Variants in RELCH observed in about 807,000 individuals in gnomAD.
The protein encoded by RELCH is RAB11-binding protein RELCH.
A neutral mutation model predicts 150.3 loss-of-function variants in RELCH; 41 were observed. That is an observed-to-expected ratio of 0.27 (90% CI 0.21 to 0.35). The LOEUF (loss-of-function observed/expected upper bound fraction) is 0.35. Among genes scored for constraint, RELCH ranks in the 10% least tolerant of loss-of-function variants. The pLI, the probability that RELCH is intolerant of heterozygous loss-of-function variation, is 1.00. For synonymous variants in RELCH, 478 were observed against 531.8 expected, an observed-to-expected ratio of 0.90 and a Z score of 1.39; for missense variants, 1,092 against 1,467.8, an observed-to-expected ratio of 0.74 and a Z score of 4.18.
At chr18:62,189,546 G>A (rs1427958688) in intron 1 of RELCH, among the ~76,000 whole-genome samples, 1 of 152,054 alleles carries the variant, frequency 6.6e-6, no homozygotes, top group East Asian at 1.9e-4. Context: ...TCAGTCCCTG[G>A]CTGTTGATGA....
At chr18:62,288,683 G>A (rs192555914) in intron 26 of RELCH, among the ~76,000 whole-genome samples, 31 of 152,136 alleles carry the variant, frequency 2.0e-4, no homozygotes, top group Non-Finnish European at 3.4e-4. Flanking sequence ...TAATAATTTT[G>A]TAACCTCAAC....
At chr18:62,287,554 T>A in intron 26 of RELCH, 87 bp downstream of exon 26, 1 of 755,544 alleles carries the variant, frequency 1.3e-6, no homozygotes, top group South Asian at 1.6e-5. Flanking sequence ...AAGTAGAACT[T>A]CTTTTCTTCA....
At chr18:62,271,032 A>G (rs1400800191) in intron 20 of RELCH, among the ~76,000 whole-genome samples, 1 of 152,150 alleles carries the variant, frequency 6.6e-6, no homozygotes, top group Non-Finnish European at 1.5e-5. Context: ...TGCTATTGTG[A>G]ATAGTGCCGC....
rs1195278243 is a variant in RELCH at position 62,221,056 on chromosome 18, GA to G, written c.639del (p.Ala214ProfsTer12). ...KVAVLEFELR[K>X]AKETIQALRA... ...GTCCAGTCCTGGAGTTTGAACTACG[GA>G]AAGCCAAGGAGACCATTCAGGCCCT... is the stretch of plus-strand genomic sequence containing the variant. On this transcript the variant is annotated frameshift_variant, in exon 3 of 29. Coordinates refer to ENST00000644646, the MANE Select transcript of RELCH (RefSeq NM_001346231.2). LOFTEE classifies it high-confidence loss of function. 1 of 1,613,162 alleles carries G rather than the reference GA, an allele frequency of 6.2e-7. No individual in the cohort carries two copies. The highest frequency in any genetic ancestry group is 8.5e-7 in the Non-Finnish European group (1 of 1,179,566).
chr18:62,273,799 G>A (rs1458859100), intron 20 of RELCH, among the ~76,000 whole-genome samples, 181 bp from the exon 21 acceptor site: 1 of 152,140 alleles, frequency 6.6e-6, no homozygotes. Context: ...TATCAAGATA[G>A]TCTGTCTTCA....
Position 62,261,513 on chromosome 18 carries a change from A to G in RELCH, c.2205A>G (p.Glu735=), listed in dbSNP as rs772840597. Residue 735 remains glutamate, a splice_region_variant and synonymous_variant, in exon 16 of 29, where the codon GAA becomes GAG. Coordinates refer to ENST00000644646, the MANE Select transcript of RELCH (RefSeq NM_001346231.2). ...GCTTCCACCTCCTTATGTTTCAGGA[A>G]GGAGAACATGGACTGGATGAACACA... ...LLNKIEKLLR[E]GEHGLDEHKL... 6.2e-7 allele frequency: 1 copy of G among 1,610,286 alleles called. No individual in the cohort carries two copies. Among genetic ancestry groups the G allele is most frequent in the Admixed American group, 1.7e-5 (1 of 59,594 alleles).
intron 10 of RELCH, among the ~76,000 whole-genome samples, chr18:62,233,401 C>T (rs1056186545): frequency 6.6e-6 from 1 of 151,798 alleles, no homozygotes; most frequent in South Asian, 2.1e-4. Flanking sequence ...ATTGGCAAAA[C>T]CCATTTAAAG....
At chr18:62,221,189 T>C (rs1376993042) in intron 3 of RELCH, 30 bp from the exon 4 acceptor site, 1 of 1,598,422 alleles carries the variant, frequency 6.3e-7, no homozygotes, top group Non-Finnish European at 8.6e-7. Context: ...TGTAAAATAG[T>C]AAAATAGTAC....
In RELCH at chr18:62,244,010, T is replaced by C. The variant is rs577826122; in HGVS notation, c.1621-754T>C. ...ATTCTTCTTGGATTTGAAAATCCAC[T>C]CAAATGAAAAACATTAATGTATTTT... On this transcript the variant is annotated intron_variant, in intron 10 of 28. Coordinates refer to ENST00000644646, the MANE Select transcript of RELCH (RefSeq NM_001346231.2). Among the ~76,000 whole-genome samples, 5 of 152,218 alleles carry C rather than the reference T, an allele frequency of 3.3e-5. 1 individual carries two copies. In the East Asian group the frequency reaches 9.7e-4, roughly 29 times the overall value.
chr18:62,259,556 A>G (rs2144666147), intron 15 of RELCH, among the ~76,000 whole-genome samples: 1 of 152,044 alleles, frequency 6.6e-6, no homozygotes, highest in South Asian at 2.1e-4. Flanking sequence ...AAATGTGTAT[A>G]CTACCCAAAG....
Position 62,187,755 on chromosome 18 carries a change from G to T in RELCH, c.250G>T (p.Gly84Cys), listed in dbSNP as rs562549635. Residue 84 changes from glycine (G) to cysteine (C), a missense_variant, in exon 1 of 29, where the codon GGC (glycine) becomes TGC (cysteine). Physicochemically the swap from Gly to Cys is radical, Grantham distance 159 (BLOSUM62 -3). Coordinates refer to ENST00000644646, the MANE Select transcript of RELCH (RefSeq NM_001346231.2). ...GTCGGCGGCTGCAGTGGCCCTGGGG[G>T]GCACCGGGGAGACCCCGGCCCGATT... ...EASAAAVALGGTGETPARLSI... is the reference protein window; with the variant it reads ...EASAAAVALGCTGETPARLSI... 1.1e-4 allele frequency: 182 copies of T among 1,611,866 alleles called. 1 individual carries two copies. The East Asian group carries it at 2.9e-3, about 26-fold the overall frequency.
intron 8 of RELCH, among the ~76,000 whole-genome samples, chr18:62,229,594 G>A (rs951575988): frequency 1.3e-5 from 2 of 151,766 alleles, no homozygotes; most frequent in African/African-American, 4.8e-5. Context: ...CTTATAGTAT[G>A]AGAGAGACAG....
In RELCH at chr18:62,201,119, G is replaced by A. The variant is rs915724434; in HGVS notation, c.527-10034G>A. Among the ~76,000 whole-genome samples, 14 of 151,542 alleles carry A rather than the reference G, an allele frequency of 9.2e-5. No individual in the cohort carries two copies. In the East Asian group the frequency reaches 1.7e-3, roughly 19 times the overall value. Reference sequence around the variant, plus strand: ...CTCCCAAGTAGCTGGGTCTACAGGCGCATGCCACCATGCCCAGCTAATTTT... The same window carrying A: ...CTCCCAAGTAGCTGGGTCTACAGGCACATGCCACCATGCCCAGCTAATTTT... On this transcript the variant is annotated intron_variant, in intron 1 of 28. Transcript: ENST00000644646.
chr18:62,264,392 A>G (rs1163181752), intron 17 of RELCH, among the ~76,000 whole-genome samples: 1 of 152,076 alleles, frequency 6.6e-6, no homozygotes, highest in East Asian at 1.9e-4. Context: ...ATTTTAAACT[A>G]CATCTAGACT....
rs1187873107 is a variant in RELCH, at chr18:62,287,348, C to A, written c.3254-3C>A. Reference sequence around the variant, plus strand: ...AATTTAACCCTTTTTTTTCTGTTTTCAGTTGTTATACCACATTTGCATAAG... The same window carrying A: ...AATTTAACCCTTTTTTTTCTGTTTTAAGTTGTTATACCACATTTGCATAAG... On this transcript the variant is annotated splice_region_variant and splice_polypyrimidine_tract_variant and intron_variant, in intron 25 of 28. Transcript: ENST00000644646. 1.3e-6 allele frequency: 2 copies of A among 1,495,008 alleles called. No homozygotes were observed. Among genetic ancestry groups the A allele is most frequent in the Non-Finnish European group, 1.9e-6 (2 of 1,077,766 alleles). 92.6% of individuals were successfully genotyped at this position (1,495,008 alleles called of 1,614,324 possible).
intron 1 of RELCH, among the ~76,000 whole-genome samples, chr18:62,193,588 T>C (rs900489020): frequency 6.6e-6 from 1 of 152,232 alleles, no homozygotes; most frequent in East Asian, 1.9e-4. Context: ...TGTTGAATTT[T>C]ATCAAAGGCC....
chr18:62,279,755 C>G lies in RELCH; in HGVS notation c.2968-19C>G. On this transcript the variant is annotated intron_variant, in intron 22 of 28. Transcript: ENST00000644646. Reference sequence around the variant, plus strand: ...TTTCCGTGCATCACCTGTGAATACCCCCTGTGCTGACCAATCAGCTGTTGG... The same window carrying G: ...TTTCCGTGCATCACCTGTGAATACCGCCTGTGCTGACCAATCAGCTGTTGG... The G allele has an allele frequency of 1.3e-6, 2 of 1,508,908 alleles. No individual in the cohort carries two copies. Among genetic ancestry groups the G allele is most frequent in the Non-Finnish European group, 1.8e-6 (2 of 1,122,186 alleles). The allele number at this position is 1,508,908 out of a possible 1,614,324, so 93.5% of individuals were successfully genotyped here.
At position 62,187,756 on chromosome 18, in the gene RELCH, G is replaced by A; in HGVS notation, c.251G>A (p.Gly84Asp). 2 of 1,611,524 alleles carry A rather than the reference G, an allele frequency of 1.2e-6. No individual in the cohort carries two copies. Among genetic ancestry groups the A allele is most frequent in the Admixed American group, 1.7e-5 (1 of 59,572 alleles). The change falls in exon 1 of 29, where the codon GGC becomes GAC. Residue 84 changes from glycine to aspartate, a missense_variant. By Grantham distance (94) the Gly-to-Asp change is moderately conservative. Around this residue, in one of 4 missense-constraint regions of RELCH, gnomAD observed 138 missense variants for 124.8 expected, o/e 1.11. Transcript: ENST00000644646. ...EASAAAVALG[G>D]TGETPARLSI... The stretch of plus-strand genomic sequence containing the variant: ...TCGGCGGCTGCAGTGGCCCTGGGGG[G>A]CACCGGGGAGACCCCGGCCCGATTA...
chr18:62,275,569 A>G (rs1334547246), intron 22 of RELCH, 96 bp downstream of exon 22: 3 of 749,360 alleles, frequency 4.0e-6, no homozygotes, highest in Non-Finnish European at 7.1e-6. Context: ...GGCTTTGCAT[A>G]TCATGTTATG....
Sources: gnomAD v4.1 joint callset for allele counts (sites outside exome capture counted in the v4.1 genomes callset) on GRCh38, gnomAD v4.1.1 for gene constraint, gnomAD v4.1.1 regional missense constraint, MANE v1.5 for transcripts, NCBI Gene and HGNC (gene_info 2026-07-23, HGNC 2026-07-21) for gene names.